BRCC3: variants seen among roughly 807,000 people sequenced by gnomAD.
BRCC3 encodes BRCA1/BRCA2-containing complex subunit 3, also known as lys-63-specific deubiquitinase BRCC36.
In BRCC3, 15 loss-of-function variants were observed where a neutral mutation model predicts 28.0. The observed-to-expected ratio is 0.54, with a 90% CI of 0.36 to 0.82. The LOEUF (loss-of-function observed/expected upper bound fraction) is 0.82. Among genes scored for constraint, BRCC3 ranks in the 40% least tolerant of loss-of-function variants. The pLI, the probability that BRCC3 is intolerant of heterozygous loss-of-function variation, is 0.01. For missense variants in BRCC3, 109 were observed against 225.9 expected, an observed-to-expected ratio of 0.48 and a Z score of 3.32; for synonymous variants, 66 against 80.3, an observed-to-expected ratio of 0.82 and a Z score of 0.95.
intron 4 of BRCC3, 77 bp from the exon 5 acceptor site, chrX:155,078,539 C>T: frequency 3.0e-6 from 2 of 660,635 alleles, no homozygotes; most frequent in Non-Finnish European, 4.8e-6. Context: ...TTATTTTAAA[C>T]TTCAGGGTGC....
chrX:155,119,983 A>T lies in BRCC3; in HGVS notation c.725-16A>T. On this transcript the variant is annotated splice_polypyrimidine_tract_variant and intron_variant, in intron 9 of 10. Transcript: ENST00000330045. ...CTTTTCCACAATTATTCTCATCTTT[A>T]TTTTTCCTATTGAAGTGTTTACCAA... The T allele has an allele frequency of 1.7e-6, 2 of 1,192,161 alleles. No homozygotes were observed. Among genetic ancestry groups the T allele is most frequent in the Non-Finnish European group, 2.3e-6 (2 of 886,222 alleles).
At chrX:155,090,623 T>C (rs1379686049) in intron 6 of BRCC3, among the ~76,000 whole-genome samples, 161 bp from the exon 7 acceptor site, 1 of 112,460 alleles carries the variant, frequency 8.9e-6, no homozygotes, top group Admixed American at 9.4e-5. Flanking sequence ...GACCATCTTA[T>C]GTTGACTGAG....
chrX:155,105,347 G>A (rs1231596335), intron 7 of BRCC3, among the ~76,000 whole-genome samples: 2 of 111,438 alleles, frequency 1.8e-5, no homozygotes, highest in East Asian at 5.7e-4. Context: ...GCCAAGTGTG[G>A]TGGCGCATGC....
chrX:155,078,383 G>A (rs1219634648), intron 4 of BRCC3, among the ~76,000 whole-genome samples: 2 of 112,066 alleles, frequency 1.8e-5, no homozygotes. Flanking sequence ...TGAAACATCA[G>A]CTAAATTAAA....
chrX:155,075,285 C>CATTTCATTGT (rs1569560412), intron 3 of BRCC3, among the ~76,000 whole-genome samples: 1 of 50,580 alleles, frequency 2.0e-5, no homozygotes, highest in African/African-American at 4.9e-4. Flanking sequence ...GCTAAGCCCA[C>CATTTCATTGT]TCTTTCCCCT....
chrX:155,073,654 T>C (rs2074006233), intron 3 of BRCC3, among the ~76,000 whole-genome samples: 1 of 111,983 alleles, frequency 8.9e-6, no homozygotes, highest in Admixed American at 9.4e-5. Context: ...AGTACCACCC[T>C]CTTGCTGCTC....
At chrX:155,073,812 C>T (rs1557292985) in intron 3 of BRCC3, among the ~76,000 whole-genome samples, 1 of 111,184 alleles carries the variant, frequency 9.0e-6, no homozygotes, top group East Asian at 2.8e-4. Context: ...GGCAAACTGA[C>T]CATAGCATCA....
intron 5 of BRCC3, among the ~76,000 whole-genome samples, chrX:155,081,452 T>C (rs1237163470): frequency 4.5e-5 from 5 of 111,491 alleles, no homozygotes; most frequent in Non-Finnish European, 9.4e-5. Flanking sequence ...TAGTACCTTA[T>C]AAATGTATGC....
chrX:155,113,110 G>A (rs186354593), intron 7 of BRCC3, among the ~76,000 whole-genome samples: 8 of 95,782 alleles, frequency 8.4e-5, no homozygotes, highest in African/African-American at 3.1e-4. Flanking sequence ...CATCCCAATG[G>A]CTTGCTTGCT....
chrX:155,113,480 C>A (rs1269145447), intron 7 of BRCC3, among the ~76,000 whole-genome samples: 1 of 110,983 alleles, frequency 9.0e-6, no homozygotes, highest in Non-Finnish European at 1.9e-5. Flanking sequence ...CCTTATCTTA[C>A]ACCGTATATA....
intron 5 of BRCC3, among the ~76,000 whole-genome samples, chrX:155,085,881 GGAC>G (rs1164350339): frequency 8.1e-5 from 9 of 111,507 alleles, no homozygotes; most frequent in African/African-American, 2.9e-4. Context: ...GGTTCCCCCA[GGAC>G]TGCTTTGCCA....
intron 9 of BRCC3, among the ~76,000 whole-genome samples, chrX:155,117,260 G>T (rs1298693527): frequency 3.6e-5 from 4 of 112,254 alleles, no homozygotes; most frequent in Non-Finnish European, 5.6e-5. Flanking sequence ...TACACAGATA[G>T]AGAGATAAAA....
chrX:155,081,421 T>A (rs782395795), intron 5 of BRCC3, among the ~76,000 whole-genome samples: 1 of 110,487 alleles, frequency 9.1e-6, no homozygotes, highest in East Asian at 2.8e-4. Context: ...CACACTCATC[T>A]CCAAACAGCC....
chrX:155,082,620 G>A (rs1336833651), intron 5 of BRCC3, among the ~76,000 whole-genome samples: 12 of 112,454 alleles, frequency 1.1e-4, no homozygotes, highest in Admixed American at 1.0e-3. Context: ...ATTTGAGAGT[G>A]AGTTGCAGAC....
At chrX:155,109,942 T>A (rs1377708770) in intron 7 of BRCC3, among the ~76,000 whole-genome samples, 1 of 111,613 alleles carries the variant, frequency 9.0e-6, no homozygotes, top group Non-Finnish European at 1.9e-5. Flanking sequence ...TCTAAGCCTC[T>A]TTTTTATGAT....
chrX:155,071,645 G>A lies in BRCC3; in HGVS notation c.118G>A (p.Gly40Arg). 1 of 1,207,755 alleles carries A rather than the reference G, an allele frequency of 8.3e-7. No homozygotes were observed. Among genetic ancestry groups the A allele is most frequent in the Non-Finnish European group, 1.1e-6 (1 of 893,306 alleles). ...EKEEVMGLCIGELNDDTRSDS... is the reference protein window; with the variant it reads ...EKEEVMGLCIRELNDDTRSDS... ...GGAGGAAGTAATGGGGCTGTGCATA[G>A]GGGAGGTGAGTAGGTCTGTTAGCCT... Residue 40 changes from glycine to arginine, a missense_variant, in exon 1 of 11, where the codon GGG becomes AGG. Around this residue, in one of 3 missense-constraint regions of BRCC3, gnomAD observed 58 missense variants for 92.8 expected, o/e 0.63. Transcript: ENST00000330045.
chrX:155,113,916 A>G lies in BRCC3; in HGVS notation c.549-2141A>G, dbSNP rs374005660. Among the ~76,000 whole-genome samples the G allele has an allele frequency of 6.3e-5, 7 of 111,771 alleles. No homozygotes were observed. The South Asian group carries it at 1.8e-3, about 30-fold the overall frequency. On this transcript the variant is annotated intron_variant, in intron 7 of 10. Coordinates refer to ENST00000330045, the MANE Select transcript of BRCC3 (RefSeq NM_001018055.3). Reference sequence around the variant, plus strand: ...AGAAATGCAAATCAAAACCACAATGAGATACCACCTCACACCCATTATGAC... The same window carrying G: ...AGAAATGCAAATCAAAACCACAATGGGATACCACCTCACACCCATTATGAC...
At chrX:155,120,286 C>T in intron 10 of BRCC3, 118 bp downstream of exon 10, 1 of 551,801 alleles carries the variant, frequency 1.8e-6, no homozygotes, top group Non-Finnish European at 2.9e-6. Context: ...GGATGTCTTC[C>T]TGACAGTTTA....
At chrX:155,085,095 A>T (rs1217333891) in intron 5 of BRCC3, among the ~76,000 whole-genome samples, 1 of 112,600 alleles carries the variant, frequency 8.9e-6, no homozygotes, top group Non-Finnish European at 1.9e-5. Context: ...CAGGTCTGCC[A>T]CTTCACAGGA....
Sources: gnomAD v4.1 joint callset for allele counts (sites outside exome capture counted in the v4.1 genomes callset) on GRCh38, gnomAD v4.1.1 for gene constraint, gnomAD v4.1.1 regional missense constraint, MANE v1.5 for transcripts, NCBI Gene and HGNC (gene_info 2026-07-23, HGNC 2026-07-21) for gene names.